The following FAN1 variants were observed in gnomAD, a reference collection of about 807,000 sequenced individuals.
FAN1 encodes fanconi-associated nuclease 1.
FAN1 carries 91 observed loss-of-function variants against 104.9 expected under a neutral mutation model. The ratio of observed to expected loss-of-function variants is 0.87; its 90% CI spans 0.73 to 1.03. The LOEUF (loss-of-function observed/expected upper bound fraction) is 1.03. Among genes scored for constraint, FAN1 ranks in the 50% least tolerant of loss-of-function variants. The pLI, the probability that FAN1 is intolerant of heterozygous loss-of-function variation, is 0.00. For synonymous variants in FAN1, 478 were observed against 457.6 expected (o/e 1.04, Z -0.57); for missense variants, 1,263 against 1,239.9 (o/e 1.02, Z -0.28).
chr15:30,937,258 A>T lies in FAN1; in HGVS notation c.*2A>T. On this transcript the variant is annotated splice_region_variant and 3_prime_UTR_variant, in exon 14 of 15. Coordinates refer to ENST00000362065, the MANE Select transcript of FAN1 (RefSeq NM_014967.5). Reference sequence around the variant, plus strand: ...GCTAAGAGCCAAAGCCTTAGCTAAAAGGTATGGAATTGGGGATATTTGGTC... The same window carrying T: ...GCTAAGAGCCAAAGCCTTAGCTAAATGGTATGGAATTGGGGATATTTGGTC... 1 of 1,610,594 alleles carries T rather than the reference A, an allele frequency of 6.2e-7. No homozygotes were observed.
rs2062092371 is a variant in FAN1 at position 30,911,124 on chromosome 15, A to T, written c.1577+309A>T. On this transcript the variant is annotated intron_variant, in intron 4 of 14. Transcript: ENST00000362065. ...AGTGATTCTTATGGGATTTTAAGGTAAACTATTTAGTCAAATTTTTATTTT... is the reference window on the plus strand; with the variant it reads ...AGTGATTCTTATGGGATTTTAAGGTTAACTATTTAGTCAAATTTTTATTTT... 2.7e-6 allele frequency: 3 copies of T among 1,113,612 alleles called. No homozygotes were observed. The African/African-American group carries it at 4.8e-5, about 18-fold the overall frequency. The allele number at this position is 1,113,612 out of a possible 1,614,324, so 69.0% of individuals were successfully genotyped here.
intron 2 of FAN1, among the ~76,000 whole-genome samples, chr15:30,907,670 G>A (rs1468407524): frequency 6.6e-6 from 1 of 152,148 alleles, no homozygotes; most frequent in Admixed American, 6.5e-5. Context: ...TTTAGAGTTG[G>A]CCGAAATTTA....
chr15:30,934,102 T>C (rs1395308735), intron 13 of FAN1, among the ~76,000 whole-genome samples: 1 of 152,212 alleles, frequency 6.6e-6, no homozygotes, highest in East Asian at 1.9e-4. Flanking sequence ...AGGTCTGTTA[T>C]AAGACGCATA....
intron 14 of FAN1, among the ~76,000 whole-genome samples, chr15:30,938,260 TGAA>T (rs1002238587): frequency 6.6e-6 from 1 of 152,172 alleles, no homozygotes; most frequent in Admixed American, 6.5e-5. Context: ...CCGAGATTCT[TGAA>T]TTAAGTTTTT....
intron 8 of FAN1, among the ~76,000 whole-genome samples, chr15:30,922,681 G>C (rs1350998638): frequency 1.3e-5 from 2 of 152,238 alleles, no homozygotes; most frequent in Non-Finnish European, 2.9e-5. Context: ...AAGTCAGCAA[G>C]TGCCTTCAAG....
intron 4 of FAN1, among the ~76,000 whole-genome samples, chr15:30,912,141 A>AT (rs2062113781): frequency 6.6e-6 from 1 of 151,988 alleles, no homozygotes; most frequent in South Asian, 2.1e-4. Flanking sequence ...AGATGAACAT[A>AT]TTTTATCTCT....
chr15:30,937,177 C>T lies in FAN1; in HGVS notation c.2975C>T (p.Ala992Val), dbSNP rs1057039594. Reference protein sequence around the residue: ...RLSHKQMIWLAELQKLGAEVE... With the variant: ...RLSHKQMIWLVELQKLGAEVE... ...TCACATAAGCAGATGATCTGGCTGG[C>T]TGAACTGCAGAAGCTGGGGGCTGAA... Residue 992 changes from alanine (A) to valine (V), a missense_variant, in exon 14 of 15, where the codon GCT becomes GTT. Ala to Val is a moderately conservative substitution (Grantham distance 64, BLOSUM62 0). Coordinates refer to ENST00000362065, the MANE Select transcript of FAN1 (RefSeq NM_014967.5). The T allele has an allele frequency of 1.2e-6, 2 of 1,613,948 alleles. No homozygotes were observed. The highest frequency in any genetic ancestry group is 1.3e-5 in the African/African-American group (1 of 74,922).
intron 13 of FAN1, among the ~76,000 whole-genome samples, chr15:30,934,461 CTT>C (rs1217601278): frequency 1.3e-5 from 2 of 152,148 alleles, no homozygotes; most frequent in Non-Finnish European, 2.9e-5. Flanking sequence ...CTTATTTTCT[CTT>C]TGTCTCAGAA....
intron 4 of FAN1, chr15:30,911,037 C>A: frequency 8.0e-7 from 1 of 1,256,896 alleles, no homozygotes; most frequent in South Asian, 3.5e-5. Context: ...CAAGAAAAAT[C>A]GGAAGGCAAT....
At chr15:30,918,027 T>C in intron 5 of FAN1, 137 bp from the exon 6 acceptor site, 1 of 788,966 alleles carries the variant, frequency 1.3e-6, no homozygotes, top group Non-Finnish European at 2.0e-6. Flanking sequence ...TAAATTATTA[T>C]TAGAATAAAA....
chr15:30,909,192 C>T (rs1408770180), intron 3 of FAN1, among the ~76,000 whole-genome samples: 1 of 152,054 alleles, frequency 6.6e-6, no homozygotes, highest in African/African-American at 2.4e-5. Context: ...GTTCAAGTTG[C>T]TGACATTTTA....
In FAN1 at chr15:30,925,812, C is replaced by G; in HGVS notation, c.2361C>G (p.Cys787Trp). The G allele has an allele frequency of 1.2e-6, 2 of 1,614,138 alleles. No individual in the cohort carries two copies. Among genetic ancestry groups the G allele is most frequent in the Non-Finnish European group, 1.7e-6 (2 of 1,180,034 alleles). ...AGGTGACCATCACAGGCAGGCTGTGCCCACAGCGTGGGATGTGCAAGTCTG... is the reference window on the plus strand; with the variant it reads ...AGGTGACCATCACAGGCAGGCTGTGGCCACAGCGTGGGATGTGCAAGTCTG... The part of the protein sequence containing the change: ...VKHVTITGRL[C>W]PQRGMCKSVF... Residue 787 changes from cysteine to tryptophan, a missense_variant, in exon 10 of 15, where the codon TGC becomes TGG. Transcript: ENST00000362065.
Position 30,904,897 on chromosome 15 carries a change from C to T in FAN1, c.234C>T (p.Gly78=). 1 of 1,613,966 alleles carries T rather than the reference C, an allele frequency of 6.2e-7. No individual in the cohort carries two copies. The highest frequency in any genetic ancestry group is 8.5e-7 in the Non-Finnish European group (1 of 1,179,992). Residue 78 remains glycine, a synonymous_variant, in exon 2 of 15, where the codon GGC becomes GGT. Coordinates refer to ENST00000362065, the MANE Select transcript of FAN1 (RefSeq NM_014967.5). ...DFVQVDPGQV[G]LINSNVSMVD... ...TTCAAGTGGATCCAGGGCAGGTTGG[C>T]TTAATAAATTCAAATGTGTCTATGG...
At chr15:30,912,716 T>A (rs992132905) in intron 4 of FAN1, among the ~76,000 whole-genome samples, 1 of 152,226 alleles carries the variant, frequency 6.6e-6, no homozygotes, top group Non-Finnish European at 1.5e-5. Flanking sequence ...TCTGGCATCA[T>A]CTGGAGACAT....
At position 30,925,162 on chromosome 15, in the gene FAN1, G is replaced by A. The variant is rs141117593; in HGVS notation, c.2208G>A (p.Pro736=). Residue 736 remains proline (P), a synonymous_variant, in exon 9 of 15, where the codon CCG becomes CCA. Coordinates refer to ENST00000362065, the MANE Select transcript of FAN1 (RefSeq NM_014967.5). ...IKCITEGLAD[P]EVRTGHRLSL... is the part of the protein sequence containing the mutation. Reference sequence around the variant, plus strand: ...GCATCACAGAGGGGCTGGCGGATCCGGAAGTCAGAACGGGACACCGCCTTT... The same window carrying A: ...GCATCACAGAGGGGCTGGCGGATCCAGAAGTCAGAACGGGACACCGCCTTT... 1.4e-5 allele frequency: 23 copies of A among 1,613,938 alleles called. No individual in the cohort carries two copies. The highest frequency in any genetic ancestry group is 1.7e-4 in the Middle Eastern group (1 of 6,060).
rs866963442 is a variant in FAN1 at position 30,905,501 on chromosome 15, GA to G, written c.840del (p.Asp281ThrfsTer4). 1.9e-6 allele frequency: 3 copies of G among 1,614,086 alleles called. No individual in the cohort carries two copies. The highest frequency in any genetic ancestry group is 1.7e-6 in the Non-Finnish European group (2 of 1,180,002). On this transcript the variant is annotated frameshift_variant, in exon 2 of 15. Transcript: ENST00000362065. LOFTEE classifies it high-confidence loss of function. ...TLRNTLKSTS[E>X]DSLVKQECIK... ...TAGGAATACATTAAAGTCTACTTCA[GA>G]AGACAGTCTTGTAAAGCAAGAGTGT...
intron 14 of FAN1, 51 bp downstream of exon 14, chr15:30,937,310 T>TA: frequency 6.6e-7 from 1 of 1,522,954 alleles, no homozygotes; most frequent in African/African-American, 1.4e-5. Flanking sequence ...TTTTCAAGAG[T>TA]ATAAAACATG....
At chr15:30,907,265 C>G in intron 2 of FAN1, among the ~76,000 whole-genome samples, 1 of 151,972 alleles carries the variant, frequency 6.6e-6, no homozygotes. Flanking sequence ...GGCCTGTAAT[C>G]CCAGCACTTT....
rs749900780 is a variant in FAN1, at chr15:30,922,272, G to A, written c.2090G>A (p.Arg697Lys). ...GAACTTGAAAGCCTTTTGTCTCAGA[G>A]AATTTATTGTCCTGACAGCAGAGGC... The part of the protein sequence containing the change: ...VRELESLLSQ[R>K]IYCPDSRGRW... Residue 697 changes from arginine (R) to lysine (K), a missense_variant, in exon 8 of 15, where the codon AGA becomes AAA. Arg to Lys is a conservative substitution (Grantham distance 26). This residue lies in a region of FAN1 where 581 missense variants were observed against 668.8 expected (regional missense o/e 0.87). Transcript: ENST00000362065. 1 of 1,613,554 alleles carries A rather than the reference G, an allele frequency of 6.2e-7. No individual in the cohort carries two copies. Among genetic ancestry groups the A allele is most frequent in the Non-Finnish European group, 8.5e-7 (1 of 1,179,920 alleles).
Sources: allele counts gnomAD v4.1 joint callset (sites outside exome capture counted in the v4.1 genomes callset), GRCh38; gene constraint gnomAD v4.1.1; regional missense constraint gnomAD v4.1.1; transcripts MANE v1.5; gene names NCBI Gene and HGNC (gene_info 2026-07-23, HGNC 2026-07-21).